The following PPP1R9A variants were observed in gnomAD, a reference collection of about 807,000 sequenced individuals.
PPP1R9A encodes the protein neurabin-1.
Under a neutral mutation model 141.9 loss-of-function variants are expected in PPP1R9A, and 59 were observed. That is an observed-to-expected ratio of 0.42 (90% confidence interval 0.34 to 0.52). The LOEUF (loss-of-function observed/expected upper bound fraction) is 0.52, where lower values mean the gene tolerates loss of function less well. Ranked by LOEUF, PPP1R9A falls within the 20% of genes least tolerant of loss-of-function variation. The pLI, the probability that PPP1R9A is intolerant of heterozygous loss-of-function variation, is 0.10. For synonymous variants in PPP1R9A, 500 were observed against 569.7 expected (o/e 0.88, Z 1.74); for missense variants, 1,444 against 1,611.9 (o/e 0.90, Z 1.78).
intron 4 of PPP1R9A, among the ~76,000 whole-genome samples, chr7:95,134,877 C>T (rs1485148960): frequency 6.6e-6 from 1 of 152,134 alleles, no homozygotes; most frequent in Non-Finnish European, 1.5e-5. Flanking sequence ...AGGCAATTTT[C>T]AATAATCTCT....
At chr7:95,087,404 A>G (rs1015264772) in intron 2 of PPP1R9A, among the ~76,000 whole-genome samples, 1 of 152,038 alleles carries the variant, frequency 6.6e-6, no homozygotes, top group African/African-American at 2.4e-5. Flanking sequence ...ATAATTTTAA[A>G]CTACAAATAA....
At chr7:94,969,958 C>G (rs995595467) in intron 2 of PPP1R9A, among the ~76,000 whole-genome samples, 3 of 152,130 alleles carry the variant, frequency 2.0e-5, no homozygotes, top group African/African-American at 7.2e-5. Flanking sequence ...AGGGGGAGAA[C>G]CGCCTACTCA....
chr7:95,283,091 C>T (rs1011787282), intron 16 of PPP1R9A, among the ~76,000 whole-genome samples: 10 of 152,088 alleles, frequency 6.6e-5, no homozygotes, highest in African/African-American at 1.7e-4. Context: ...TTCCATCAAA[C>T]GGCAAGGGTG....
At chr7:95,092,346 CTTTT>C (rs113520728) in intron 2 of PPP1R9A, among the ~76,000 whole-genome samples, 2 of 139,660 alleles carry the variant, frequency 1.4e-5, no homozygotes, top group Admixed American at 7.3e-5. Flanking sequence ...ATACTACACG[CTTTT>C]TTTTTTTTTT....
chr7:95,080,217 A>G (rs113309781), intron 2 of PPP1R9A, among the ~76,000 whole-genome samples: 6,984 of 152,266 alleles, frequency 0.046, 643 homozygotes, highest in East Asian at 0.41. Flanking sequence ...AATCTCCTTA[A>G]GCTGATAAGC....
chr7:95,016,920 C>T (rs1266566807), intron 2 of PPP1R9A, among the ~76,000 whole-genome samples: 1 of 152,070 alleles, frequency 6.6e-6, no homozygotes, highest in Non-Finnish European at 1.5e-5. Flanking sequence ...AGGGTCTTTG[C>T]AATGTAATCA....
chr7:95,253,104 AAC>A (rs1799115628), intron 12 of PPP1R9A, among the ~76,000 whole-genome samples: 1 of 152,230 alleles, frequency 6.6e-6, no homozygotes, highest in African/African-American at 2.4e-5. Context: ...CAAATTAGAA[AAC>A]ACATAATAAT....
intron 2 of PPP1R9A, among the ~76,000 whole-genome samples, chr7:94,921,212 T>C (rs1220956876): frequency 1.3e-5 from 2 of 152,040 alleles, no homozygotes; most frequent in East Asian, 3.9e-4. Context: ...TTTGGGAGGC[T>C]GTGGCGGGCG....
Position 95,286,328 on chromosome 7 carries a change from A to G in PPP1R9A, c.3729+3A>G, listed in dbSNP as rs766143466. The stretch of plus-strand genomic sequence containing the variant: ...CCTTAGCACTGTCATCAGATGAGGT[A>G]ATTCCATGGCACTATGACAGAGCTG... On this transcript the variant is annotated splice_donor_region_variant and intron_variant, in intron 18 of 19. Transcript: ENST00000433360. 6 of 1,612,848 alleles carry G rather than the reference A, an allele frequency of 3.7e-6. No individual in the cohort carries two copies. The Admixed American group carries it at 6.7e-5, about 18-fold the overall frequency.
At chr7:94,939,774 ATATATATATG>A (rs1424945117) in intron 2 of PPP1R9A, among the ~76,000 whole-genome samples, 2 of 149,282 alleles carry the variant, frequency 1.3e-5, no homozygotes, top group Admixed American at 6.7e-5. Context: ...GATTATATAT[ATATATATATG>A]TATATATATG....
rs1791443232 is a variant in PPP1R9A at position 94,911,445 on chromosome 7, A to G, written c.1332A>G (p.Gly444=). The G allele has an allele frequency of 6.2e-7, 1 of 1,613,804 alleles. No individual in the cohort carries two copies. The highest frequency in any genetic ancestry group is 1.3e-5 in the African/African-American group (1 of 75,044). ...QPDMEYSEIV[G]LPEEEEIPAN... is the part of the protein sequence containing the mutation. The stretch of plus-strand genomic sequence containing the variant: ...ATATGGAGTACTCGGAAATTGTTGG[A>G]TTGCCAGAAGAAGAAGAAATCCCAG... Residue 444 remains glycine, a synonymous_variant, in exon 2 of 20, where the codon GGA becomes GGG. Transcript: ENST00000433360.
intron 9 of PPP1R9A, among the ~76,000 whole-genome samples, chr7:95,247,793 AT>A (rs1348144155): frequency 2.0e-5 from 3 of 152,150 alleles, no homozygotes; most frequent in Admixed American, 6.5e-5. Flanking sequence ...AAAAAGTAAT[AT>A]TTTTAATGGT....
intron 12 of PPP1R9A, among the ~76,000 whole-genome samples, chr7:95,266,012 T>G (rs1012962271): frequency 7.9e-5 from 12 of 152,172 alleles, no homozygotes; most frequent in Admixed American, 6.6e-4. Flanking sequence ...AATTATTGAA[T>G]AGTAATAGAG....
chr7:95,204,955 C>T (rs890414037), intron 7 of PPP1R9A, among the ~76,000 whole-genome samples: 5 of 149,210 alleles, frequency 3.4e-5, no homozygotes, highest in African/African-American at 9.9e-5. Flanking sequence ...ACACACGACA[C>T]GCACACACCA....
In PPP1R9A at chr7:95,205,283, A is replaced by G. The variant is rs544205035; in HGVS notation, c.1956+1553A>G. ...TTTTCCTTCCCACTGCCACATTGTG[A>G]TATTATTTACTCATGAGCTAGATAC... is the stretch of plus-strand genomic sequence containing the variant. On this transcript the variant is annotated intron_variant, in intron 7 of 19. Coordinates refer to ENST00000433360, the MANE Select transcript of PPP1R9A (RefSeq NM_001166160.2). Among the ~76,000 whole-genome samples the G allele has an allele frequency of 2.6e-5, 4 of 152,310 alleles. No individual in the cohort carries two copies. In the East Asian group the frequency reaches 7.7e-4, roughly 29 times the overall value.
intron 2 of PPP1R9A, among the ~76,000 whole-genome samples, chr7:95,058,513 C>A (rs73218116): frequency 6.6e-6 from 1 of 152,130 alleles, no homozygotes; most frequent in Non-Finnish European, 1.5e-5. Context: ...TCTTTAGTGT[C>A]TGGTTAAAGG....
At chr7:95,013,556 T>C (rs1471837498) in intron 2 of PPP1R9A, among the ~76,000 whole-genome samples, 1 of 152,104 alleles carries the variant, frequency 6.6e-6, no homozygotes, top group African/African-American at 2.4e-5. Flanking sequence ...TCTGCAAATT[T>C]CACCAAATCT....
chr7:95,221,511 TCTCCCACTAGTCAAAAGTTA>T (rs1294419639), intron 7 of PPP1R9A, among the ~76,000 whole-genome samples: 1 of 152,016 alleles, frequency 6.6e-6, no homozygotes, highest in Non-Finnish European at 1.5e-5. Context: ...TCTACATACG[TCTCCCACTAGTCAAAAGTTA>T]TATGTTTACC....
At chr7:95,191,610 A>G (rs1170834772) in intron 5 of PPP1R9A, among the ~76,000 whole-genome samples, 1 of 152,106 alleles carries the variant, frequency 6.6e-6, no homozygotes, top group Non-Finnish European at 1.5e-5. Context: ...GTTTAACACA[A>G]TAAAAAACCA....
Sources: gnomAD v4.1 joint callset for allele counts (sites outside exome capture counted in the v4.1 genomes callset) on GRCh38, gnomAD v4.1.1 for gene constraint, MANE v1.5 for transcripts, NCBI Gene and HGNC (gene_info 2026-07-23, HGNC 2026-07-21) for gene names.